The following ARSG variants were observed in gnomAD, a reference collection of about 807,000 sequenced individuals.
The protein encoded by ARSG is ASG.
In ARSG, 37 loss-of-function variants were observed where a neutral mutation model predicts 50.5. The ratio of observed to expected loss-of-function variants is 0.73; its 90% confidence interval spans 0.56 to 0.96. The LOEUF is 0.96. Ranked by LOEUF, ARSG falls within the 50% of genes least tolerant of loss-of-function variation. The pLI is 0.00. For missense variants in ARSG, 629 were observed against 675.3 expected (o/e 0.93, Z 0.76); for synonymous variants, 225 against 254.6 (o/e 0.88, Z 1.11).
rs112502748 is a variant in ARSG at position 68,322,609 on chromosome 17, C to T, written c.218+14898C>T. Among the ~76,000 whole-genome samples the T allele has an allele frequency of 2.3e-3, 352 of 151,054 alleles. 1 individual carries two copies. Among genetic ancestry groups the T allele is most frequent in the African/African-American group, 8.2e-3 (337 of 41,172 alleles). ...TCCAGCCTGGCGATAGAGTGAGACT[C>T]CGTCTCAAAAAAATAAAATAAAAAA... On this transcript the variant is annotated intron_variant, in intron 2 of 11. Transcript: ENST00000621439.
chr17:68,428,002 C>G, the ARSG span, among the ~76,000 whole-genome samples: 1 of 152,036 alleles, frequency 6.6e-6, no homozygotes, highest in African/African-American at 2.4e-5. Flanking sequence ...GTGATCCCCC[C>G]ACCTCTGCCT....
chr17:68,436,266 T>C, the ARSG span: 1 of 871,024 alleles, frequency 1.1e-6, no homozygotes, highest in Non-Finnish European at 1.9e-6. Flanking sequence ...AACTCCCCAG[T>C]ATTGCTTACT....
chr17:68,438,746 G>A, the ARSG span, among the ~76,000 whole-genome samples: 7 of 152,282 alleles, frequency 4.6e-5, no homozygotes, highest in African/African-American at 7.2e-5. Context: ...GATTACAGGC[G>A]TGTGCCACCA....
chr17:68,389,940 C>T (rs9906218), intron 9 of ARSG, among the ~76,000 whole-genome samples: 1 of 151,968 alleles, frequency 6.6e-6, no homozygotes, highest in East Asian at 1.9e-4. Flanking sequence ...TACCTACCCC[C>T]CACCTGCACA....
At chr17:68,359,611 C>G (rs2079191090) in intron 6 of ARSG, 1 of 152,214 alleles carries the variant, frequency 6.6e-6, no homozygotes, top group South Asian at 2.1e-4. Flanking sequence ...AAAAGGGACT[C>G]TACCTGTGGC....
At chr17:68,287,933 TTCTTC>T (rs1254463814), upstream of ARSG, among the ~76,000 whole-genome samples, 2 of 150,908 alleles carry the variant, frequency 1.3e-5, no homozygotes, top group East Asian at 1.9e-4. Context: ...TTCTCTTCTC[TTCTTC>T]TCTTCTCTCT....
At chr17:68,349,529 A>C (rs1441110053) in intron 4 of ARSG, among the ~76,000 whole-genome samples, 1 of 152,104 alleles carries the variant, frequency 6.6e-6, no homozygotes, top group African/African-American at 2.4e-5. Flanking sequence ...TTGTGTACCT[A>C]GGGGGTAGCT....
chr17:68,418,617 G>A (rs923130105), intron 11 of ARSG, among the ~76,000 whole-genome samples: 1 of 152,196 alleles, frequency 6.6e-6, no homozygotes, highest in African/African-American at 2.4e-5. Context: ...GTATGGCTTT[G>A]CCCCTATAGA....
rs774150969 is a variant in ARSG, at chr17:68,343,783, G to T, written c.398G>T (p.Gly133Val). The T allele has an allele frequency of 1.4e-5, 22 of 1,610,640 alleles. No homozygotes were observed. The highest frequency in any genetic ancestry group is 1.8e-5 in the Non-Finnish European group (21 of 1,177,732). Residue 133 changes from glycine to valine, a missense_variant, in exon 3 of 12, where the codon GGG becomes GTG. Gly to Val is a moderately radical substitution (Grantham distance 109, BLOSUM62 -3). Transcript: ENST00000621439. ...CTGCAGCAGGCGGGTTACGTCACTG[G>T]GATAATAGGTAACTCTGGGCCCCGT... ...EVLQQAGYVT[G>V]IIGKWHLGHH...
chr17:68,280,525 GA>G (rs1477662763), intron 1 of ARSG, among the ~76,000 whole-genome samples: 1 of 152,204 alleles, frequency 6.6e-6, no homozygotes, highest in African/African-American at 2.4e-5. Flanking sequence ...AGGTGCCAAA[GA>G]CATTCATTGG....
At chr17:68,436,497 G>C in the ARSG span, 1 of 1,610,058 alleles carries the variant, frequency 6.2e-7, no homozygotes, top group East Asian at 2.2e-5. Flanking sequence ...AGAAGAAACA[G>C]AACATGAGAA....
At chr17:68,352,088 GGA>G (rs34934330) in intron 5 of ARSG, among the ~76,000 whole-genome samples, 40,249 of 103,620 alleles carry the variant, frequency 0.39, 9,180 homozygotes, top group Non-Finnish European at 0.46. Context: ...GAGAGACAGA[GGA>G]GAGAGAGAGA....
At chr17:68,290,317 A>G (rs1555755396), upstream of ARSG, among the ~76,000 whole-genome samples, 2 of 152,140 alleles carry the variant, frequency 1.3e-5, no homozygotes, top group African/African-American at 2.4e-5. Context: ...CTGTCTTGCT[A>G]GGGTGGGGGG....
At chr17:68,272,106 T>G (rs12945324) in intron 1 of ARSG, among the ~76,000 whole-genome samples, 7,512 of 152,222 alleles carry the variant, frequency 0.049, 219 homozygotes, top group African/African-American at 0.076. Flanking sequence ...TGGCCTTTTT[T>G]TGTGTGTTTT....
chr17:68,375,770 C>T (rs1478037229), intron 8 of ARSG, among the ~76,000 whole-genome samples: 3 of 152,116 alleles, frequency 2.0e-5, no homozygotes, highest in South Asian at 2.1e-4. Context: ...GTGGGAACAT[C>T]GGGGAGTAGG....
rs1229566605 is a variant in ARSG at position 68,412,404 on chromosome 17, T to A, written c.1304-7785T>A. 4.3e-4 allele frequency among the ~76,000 whole-genome samples: 66 copies of A among 152,180 alleles called. 2 individuals carry two copies. Among genetic ancestry groups the A allele is most frequent in the Admixed American group, 4.3e-3 (66 of 15,266 alleles). Reference sequence around the variant, plus strand: ...AAGCTTAGTTTGGCTGGATATGAAATTCTGGGTTGAAAATTCTTTTCTTTG... The same window carrying A: ...AAGCTTAGTTTGGCTGGATATGAAAATCTGGGTTGAAAATTCTTTTCTTTG... On this transcript the variant is annotated intron_variant, in intron 11 of 11. Coordinates refer to ENST00000621439, the MANE Select transcript of ARSG (RefSeq NM_001267727.2).
intron 2 of ARSG, among the ~76,000 whole-genome samples, chr17:68,332,535 A>C (rs2077823027): frequency 2.0e-5 from 3 of 152,196 alleles, no homozygotes; most frequent in African/African-American, 7.2e-5. Flanking sequence ...GTGTCCATGA[A>C]ATCTTCACAA....
intron 9 of ARSG, among the ~76,000 whole-genome samples, chr17:68,392,162 G>A (rs2081024346): frequency 6.6e-6 from 1 of 152,194 alleles, no homozygotes; most frequent in Non-Finnish European, 1.5e-5. Context: ...TCTTTCTTGG[G>A]AAAGTCCAGC....
intron 9 of ARSG, among the ~76,000 whole-genome samples, chr17:68,388,781 C>T (rs1297876501): frequency 1.3e-5 from 2 of 151,918 alleles, no homozygotes; most frequent in African/African-American, 2.4e-5. Context: ...AAAAATTAGC[C>T]GGGCGTGGTG....
Sources: gnomAD v4.1 joint callset for allele counts (sites outside exome capture counted in the v4.1 genomes callset) on GRCh38, gnomAD v4.1.1 for gene constraint, MANE v1.5 for transcripts, NCBI Gene and HGNC (gene_info 2026-07-23, HGNC 2026-07-21) for gene names.